Variants in GRID2 observed in about 807,000 individuals in gnomAD.
GRID2 encodes the protein glutamate receptor ionotropic, delta-2.
In GRID2, 33 loss-of-function variants were observed where a neutral mutation model predicts 114.8. The observed-to-expected ratio is 0.29, with a 90% CI of 0.22 to 0.38. The LOEUF (loss-of-function observed/expected upper bound fraction) is 0.38, where lower values mean the gene tolerates loss of function less well. Ranked by LOEUF, GRID2 falls within the 10% of genes least tolerant of loss-of-function variation. The pLI, the probability that GRID2 is intolerant of heterozygous loss-of-function variation, is 1.00. For synonymous variants in GRID2, 505 were observed against 449.9 expected (o/e 1.12, Z -1.55); for missense variants, 1,184 against 1,257.7 (o/e 0.94, Z 0.89).
At chr4:93,347,526 G>GA (rs36085901) in intron 8 of GRID2, among the ~76,000 whole-genome samples, 1 of 152,068 alleles carries the variant, frequency 6.6e-6, no homozygotes, top group Admixed American at 6.6e-5. Flanking sequence ...TGGTAGTTGA[G>GA]AAAAAATTAT....
intron 9 of GRID2, among the ~76,000 whole-genome samples, chr4:93,415,295 G>C (rs1767595622): frequency 6.6e-6 from 1 of 152,018 alleles, no homozygotes; most frequent in Non-Finnish European, 1.5e-5. Flanking sequence ...TTTGTACCTA[G>C]AAAACTTTCA....
At chr4:93,168,637 AT>A (rs1738492487) in intron 4 of GRID2, among the ~76,000 whole-genome samples, 1 of 152,122 alleles carries the variant, frequency 6.6e-6, no homozygotes. Flanking sequence ...TGTTTTGGCT[AT>A]TTCCTTGCTC....
rs891633527 is a variant in GRID2, at chr4:93,774,078, G to C, written c.*1580G>C. ...AGGATTGATATAGGAATCAACCTAT[G>C]TGATTTGCTTTAGGAGAAATTAAAA... is the stretch of plus-strand genomic sequence containing the variant. On this transcript the variant is annotated 3_prime_UTR_variant, in exon 16 of 16. Coordinates refer to ENST00000282020, the MANE Select transcript of GRID2 (RefSeq NM_001510.4). 1.3e-5 allele frequency: 2 copies of C among 152,048 alleles called. No homozygotes were observed. The highest frequency in any genetic ancestry group is 1.3e-4 in the Admixed American group (2 of 15,268). The allele number at this position is 152,048 out of a possible 1,614,324, so 9.4% of individuals were successfully genotyped here. A position where few individuals can be genotyped will look rare whatever the true frequency, so the allele number is the denominator to read the frequency against.
intron 1 of GRID2, among the ~76,000 whole-genome samples, chr4:92,398,781 CTATT>C (rs72148974): frequency 0.017 from 2,508 of 151,516 alleles, 74 homozygotes; most frequent in African/African-American, 0.058. Context: ...GATTGTACAA[CTATT>C]TAGTATTTGC....
chr4:92,615,754 A>C (rs888487521), intron 2 of GRID2, among the ~76,000 whole-genome samples: 44 of 151,508 alleles, frequency 2.9e-4, no homozygotes, highest in African/African-American at 1.0e-3. Context: ...TTAATTCCTT[A>C]TTAGTTTTTG....
chr4:93,303,930 A>G (rs182731365), intron 8 of GRID2, among the ~76,000 whole-genome samples: 49 of 152,208 alleles, frequency 3.2e-4, no homozygotes, highest in Non-Finnish European at 4.0e-4. Flanking sequence ...ATTTTATCTG[A>G]GGATTTTAAA....
intron 1 of GRID2, among the ~76,000 whole-genome samples, chr4:92,418,587 A>G (rs1731736816): frequency 6.6e-6 from 1 of 152,116 alleles, no homozygotes; most frequent in Non-Finnish European, 1.5e-5. Flanking sequence ...AGATTTAAAT[A>G]TGAGACAAAG....
chr4:93,176,197 T>C (rs959910773), intron 4 of GRID2, among the ~76,000 whole-genome samples: 2 of 152,212 alleles, frequency 1.3e-5, no homozygotes, highest in African/African-American at 4.8e-5. Context: ...CAGAAAAATC[T>C]AAACATTATT....
intron 8 of GRID2, among the ~76,000 whole-genome samples, chr4:93,358,050 C>T (rs1761517487): frequency 6.6e-6 from 1 of 151,584 alleles, no homozygotes; most frequent in Non-Finnish European, 1.5e-5. Flanking sequence ...TGTTTACAAA[C>T]AAAGTCTTTA....
At chr4:93,654,418 A>C (rs1054924090) in intron 14 of GRID2, among the ~76,000 whole-genome samples, 1 of 152,086 alleles carries the variant, frequency 6.6e-6, no homozygotes, top group Non-Finnish European at 1.5e-5. Context: ...CTCAGCTAAA[A>C]CTTCCATTTG....
intron 10 of GRID2, among the ~76,000 whole-genome samples, chr4:93,452,962 A>G (rs1036382829): frequency 6.6e-6 from 1 of 151,122 alleles, no homozygotes; most frequent in African/African-American, 2.4e-5. Flanking sequence ...ATATGTATAC[A>G]TGTGCCATGT....
intron 1 of GRID2, among the ~76,000 whole-genome samples, chr4:92,472,382 G>A (rs1266702567): frequency 6.6e-6 from 1 of 152,110 alleles, no homozygotes; most frequent in Non-Finnish European, 1.5e-5. Context: ...AAATAGAGCT[G>A]CTATGAACAT....
chr4:92,461,768 T>A (rs1045397753), intron 1 of GRID2, among the ~76,000 whole-genome samples: 6 of 152,016 alleles, frequency 3.9e-5, no homozygotes, highest in African/African-American at 1.4e-4. Context: ...CATTTCATCT[T>A]TTTTAATATA....
chr4:93,255,124 A>T (rs894322285), intron 8 of GRID2, among the ~76,000 whole-genome samples: 3 of 152,160 alleles, frequency 2.0e-5, no homozygotes, highest in African/African-American at 7.2e-5. Context: ...TTTAAAAAAT[A>T]AATACGTGAA....
At chr4:92,686,474 G>C (rs1331798803) in intron 2 of GRID2, among the ~76,000 whole-genome samples, 1 of 151,846 alleles carries the variant, frequency 6.6e-6, no homozygotes, top group Admixed American at 6.6e-5. Context: ...CAATCTCTTG[G>C]GTTGTGTTGC....
chr4:92,840,669 C>T (rs1174241102), intron 2 of GRID2, among the ~76,000 whole-genome samples: 3 of 151,972 alleles, frequency 2.0e-5, no homozygotes, highest in Non-Finnish European at 2.9e-5. Context: ...CATTGAGCAG[C>T]TTCTTCATTG....
chr4:93,416,742 A>AT lies in GRID2; in HGVS notation c.1348-6023dup, dbSNP rs539868421. On this transcript the variant is annotated intron_variant, in intron 9 of 15. Coordinates refer to ENST00000282020, the MANE Select transcript of GRID2 (RefSeq NM_001510.4). ...AAATCAACTAAGCATTTATCATGAG[A>AT]TTTTTTAAGTGACTGAATACAGATT... Among the ~76,000 whole-genome samples, 607 of 152,180 alleles carry AT rather than the reference A, an allele frequency of 4.0e-3. 3 individuals are homozygous for AT. The highest frequency in any genetic ancestry group is 8.7e-3 in the South Asian group (42 of 4,822).
At chr4:92,815,624 A>T (rs1740854689) in intron 2 of GRID2, among the ~76,000 whole-genome samples, 1 of 152,072 alleles carries the variant, frequency 6.6e-6, no homozygotes, top group Admixed American at 6.6e-5. Flanking sequence ...TTAAAGGATA[A>T]CATTGGGGCT....
In GRID2 at chr4:93,263,577, T is replaced by A. The variant is rs188781144; in HGVS notation, c.1245+25087T>A. Among the ~76,000 whole-genome samples, 5 of 152,226 alleles carry A rather than the reference T, an allele frequency of 3.3e-5. No homozygotes were observed. In the East Asian group the frequency reaches 9.6e-4, roughly 29 times the overall value. ...TATATTTTAAGTATGCTTAAAATCT[T>A]AGTATATTATATTTGAATTAAATAG... On this transcript the variant is annotated intron_variant, in intron 8 of 15. Coordinates refer to ENST00000282020, the MANE Select transcript of GRID2 (RefSeq NM_001510.4).
Sources: gnomAD v4.1 joint callset for allele counts (sites outside exome capture counted in the v4.1 genomes callset) on GRCh38, gnomAD v4.1.1 for gene constraint, MANE v1.5 for transcripts, NCBI Gene and HGNC (gene_info 2026-07-23, HGNC 2026-07-21) for gene names.